Variants in CCDC122 observed in about 807,000 individuals in gnomAD.
The protein encoded by CCDC122 is coiled-coil domain-containing protein 122.
CCDC122 carries 38 observed loss-of-function variants against 37.0 expected under a neutral mutation model. The observed-to-expected ratio is 1.03, with a 90% CI of 0.79 to 1.35. The LOEUF (loss-of-function observed/expected upper bound fraction) is 1.35, where lower values mean the gene tolerates loss of function less well. Among genes scored for constraint, CCDC122 ranks in the 40% most tolerant of loss-of-function variants. The probability of loss-of-function intolerance (pLI) is 0.00; values close to 1 mark genes in which losing one functional copy is unlikely to be tolerated. For synonymous variants in CCDC122, 83 were observed against 95.6 expected, an observed-to-expected ratio of 0.87 and a Z score of 0.77; for missense variants, 305 against 310.0, an observed-to-expected ratio of 0.98 and a Z score of 0.12.
At chr13:43,832,944 T>A (rs1197825939), downstream of CCDC122, among the ~76,000 whole-genome samples, 1 of 152,210 alleles carries the variant, frequency 6.6e-6, no homozygotes, top group Non-Finnish European at 1.5e-5. Flanking sequence ...CAGTACCTTA[T>A]CATTGTTTAG....
chr13:43,875,147 T>A (rs1480956257), intron 1 of CCDC122, among the ~76,000 whole-genome samples: 3 of 152,188 alleles, frequency 2.0e-5, no homozygotes, highest in Non-Finnish European at 4.4e-5. Flanking sequence ...CTTTAAAGGA[T>A]GTCCAGGCAA....
At chr13:43,836,333 A>G (rs1007155483), downstream of CCDC122, 1 of 152,262 alleles carries the variant, frequency 6.6e-6, no homozygotes, top group South Asian at 2.1e-4. Context: ...ACTTTAATTT[A>G]GTCACAGAAT....
At chr13:43,829,133 A>C (rs7331149) in intron 3 of CCDC122, among the ~76,000 whole-genome samples, 136,332 of 152,126 alleles carry the variant, frequency 0.9, 61,922 homozygotes, top group South Asian at 0.98. Context: ...TTTTCTCTAA[A>C]TATGATGACA....
In CCDC122 at chr13:43,868,815, CA is replaced by C; in HGVS notation, c.47-13del. 7.5e-7 allele frequency: 1 copy of C among 1,325,216 alleles called. No individual in the cohort carries two copies. Among genetic ancestry groups the C allele is most frequent in the South Asian group, 1.6e-5 (1 of 61,470 alleles). 82.1% of individuals were successfully genotyped at this position (1,325,216 alleles called of 1,614,324 possible). ...TGTGTCTTGGTTATCTACAATTAGA[CA>C]AAAGAATAAAGTATATAATAAAAAT... is the stretch of plus-strand genomic sequence containing the variant. On this transcript the variant is annotated splice_polypyrimidine_tract_variant and intron_variant, in intron 3 of 6. Transcript: ENST00000444614.
Position 43,871,445 on chromosome 13 carries a change from A to T in CCDC122, c.-113-1956T>A, listed in dbSNP as rs1020619098. On this transcript the variant is annotated intron_variant, in intron 2 of 6. Coordinates refer to ENST00000444614, the MANE Select transcript of CCDC122 (RefSeq NM_144974.5). ...TCCCCCAAATCACAGTGCAATTTCC[A>T]TAAGCTGCCTAAAATATTGTGGGCA... 2.0e-5 allele frequency among the ~76,000 whole-genome samples: 3 copies of T among 152,028 alleles called. 1 individual carries two copies. In the South Asian group the frequency reaches 6.2e-4, roughly 31 times the overall value.
At chr13:43,846,133 G>T (rs1429098034) in intron 6 of CCDC122, among the ~76,000 whole-genome samples, 1 of 151,538 alleles carries the variant, frequency 6.6e-6, no homozygotes, top group African/African-American at 2.4e-5. Flanking sequence ...GGAGTGCAAC[G>T]GCACGATCTC....
intron 6 of CCDC122, chr13:43,848,926 G>C (rs1211411040): frequency 1.0e-6 from 1 of 975,574 alleles, no homozygotes. Context: ...AAAATCTTTT[G>C]GTATTGGAAT....
downstream of CCDC122, among the ~76,000 whole-genome samples, chr13:43,831,964 GCC>G (rs1489211297): frequency 1.4e-5 from 2 of 146,488 alleles, no homozygotes; most frequent in East Asian, 4.0e-4. Flanking sequence ...ATTTGAAGCG[GCC>G]TATTCTTAGC....
downstream of CCDC122, among the ~76,000 whole-genome samples, chr13:43,823,349 C>T (rs1191653590): frequency 6.6e-6 from 1 of 152,036 alleles, no homozygotes; most frequent in Non-Finnish European, 1.5e-5. Flanking sequence ...CTTTGCTCTC[C>T]TTTCCTCAAG....
chr13:43,860,119 G>C (rs1954058531), intron 4 of CCDC122, 49 bp from the exon 5 acceptor site: 3 of 1,015,088 alleles, frequency 3.0e-6, no homozygotes, highest in Non-Finnish European at 4.0e-6. Flanking sequence ...TATTAAACAT[G>C]AGAGGAAAAT....
intron 4 of CCDC122, among the ~76,000 whole-genome samples, chr13:43,862,935 CT>C (rs1954158667): frequency 6.6e-6 from 1 of 151,800 alleles, no homozygotes; most frequent in African/African-American, 2.4e-5. Context: ...TTTCTTCTCC[CT>C]CTCTTCTTTA....
chr13:43,860,617 T>C (rs1411905720), intron 4 of CCDC122, among the ~76,000 whole-genome samples: 1 of 152,168 alleles, frequency 6.6e-6, no homozygotes, highest in African/African-American at 2.4e-5. Context: ...TAAAGCCTAG[T>C]TTTCACACCA....
rs1045456297 is a variant in CCDC122, at chr13:43,845,411, C to T, written c.673-7982G>A. 3.9e-5 allele frequency among the ~76,000 whole-genome samples: 6 copies of T among 152,156 alleles called. No homozygotes were observed. In the East Asian group the frequency reaches 1.2e-3, roughly 29 times the overall value. On this transcript the variant is annotated intron_variant, in intron 6 of 6. Coordinates refer to ENST00000444614, the MANE Select transcript of CCDC122 (RefSeq NM_144974.5). The stretch of plus-strand genomic sequence containing the variant: ...CCTTTCCAGTATCATTTCCTTTCAG[C>T]TTTAAAAACTTCCTTTAGGCTGGAC...
chr13:43,869,774 T>C (rs1230783183), intron 2 of CCDC122, among the ~76,000 whole-genome samples: 1 of 152,096 alleles, frequency 6.6e-6, no homozygotes, highest in East Asian at 1.9e-4. Context: ...ATAATTATTT[T>C]GGGTTAGTAT....
At chr13:43,876,667 T>G (rs1954621248) in intron 1 of CCDC122, among the ~76,000 whole-genome samples, 1 of 152,260 alleles carries the variant, frequency 6.6e-6, no homozygotes, top group African/African-American at 2.4e-5. Context: ...TGTGTTTGTT[T>G]GCAAACCTGT....
chr13:43,876,247 C>A (rs1214304558), intron 1 of CCDC122, among the ~76,000 whole-genome samples: 2 of 152,206 alleles, frequency 1.3e-5, no homozygotes, highest in Admixed American at 1.3e-4. Flanking sequence ...AAGCTTTTAG[C>A]AAGGAAATTT....
chr13:43,831,487 T>G (rs1019272646), downstream of CCDC122, among the ~76,000 whole-genome samples: 2 of 152,222 alleles, frequency 1.3e-5, no homozygotes, highest in African/African-American at 4.8e-5. Flanking sequence ...GCATTGGGAT[T>G]ACATATGTCT....
intron 6 of CCDC122, among the ~76,000 whole-genome samples, chr13:43,841,435 G>A (rs1049692906): frequency 6.6e-6 from 1 of 152,026 alleles, no homozygotes; most frequent in African/African-American, 2.4e-5. Context: ...ATCATTCTAG[G>A]GGTAAAAAGG....
At chr13:43,827,932 A>T (rs554608860) in intron 3 of CCDC122, among the ~76,000 whole-genome samples, 1 of 152,308 alleles carries the variant, frequency 6.6e-6, no homozygotes, top group East Asian at 1.9e-4. Flanking sequence ...AGGCAGAGGG[A>T]ATAGTATGTC....
Sources: gnomAD v4.1 joint callset for allele counts (sites outside exome capture counted in the v4.1 genomes callset) on GRCh38, gnomAD v4.1.1 for gene constraint, MANE v1.5 for transcripts, NCBI Gene and HGNC (gene_info 2026-07-23, HGNC 2026-07-21) for gene names.